Variants in ITGBL1 observed in about 807,000 individuals in gnomAD.
The protein encoded by ITGBL1 is integrin subunit beta like 1, also known as integrin beta-like protein 1.
ITGBL1 carries 51 observed loss-of-function variants against 68.5 expected under a neutral mutation model. The observed-to-expected ratio is 0.74, with a 90% CI of 0.59 to 0.94. The LOEUF (loss-of-function observed/expected upper bound fraction) is 0.94. ITGBL1 is among the 40% of genes least tolerant of loss of function. The probability of loss-of-function intolerance (pLI) is 0.00; values close to 1 mark genes in which losing one functional copy is unlikely to be tolerated. For missense variants in ITGBL1, 649 were observed against 647.4 expected (o/e 1.00, Z -0.03); for synonymous variants, 209 against 227.3 (o/e 0.92, Z 0.72).
chr13:101,635,560 T>C (rs1257083143), intron 7 of ITGBL1, among the ~76,000 whole-genome samples: 3 of 152,052 alleles, frequency 2.0e-5, no homozygotes, highest in Non-Finnish European at 2.9e-5. Context: ...TCAAGAAATA[T>C]ATGAAATGTG....
chr13:101,583,426 A>AG, intron 6 of ITGBL1, 70 bp downstream of exon 6: 1 of 1,315,328 alleles, frequency 7.6e-7, no homozygotes, highest in East Asian at 2.5e-5. Flanking sequence ...AAAAAAAAAA[A>AG]AAAGCAATTA....
At chr13:101,526,813 A>AT (rs1183281795) in intron 2 of ITGBL1, among the ~76,000 whole-genome samples, 2 of 151,778 alleles carry the variant, frequency 1.3e-5, no homozygotes, top group African/African-American at 2.4e-5. Flanking sequence ...TCTGCTTATA[A>AT]TTTTTTCTGA....
intron 7 of ITGBL1, among the ~76,000 whole-genome samples, chr13:101,656,895 G>T (rs1355220601): frequency 5.3e-5 from 8 of 150,406 alleles, no homozygotes. Context: ...AGCTCAAATA[G>T]TGTTGTTTTG....
chr13:101,586,876 C>T (rs946223007), intron 6 of ITGBL1, among the ~76,000 whole-genome samples: 20 of 152,118 alleles, frequency 1.3e-4, no homozygotes, highest in Admixed American at 9.8e-4. Flanking sequence ...TTAAATTTTT[C>T]CTAATTAACA....
At chr13:101,606,689 C>G (rs902112597) in intron 7 of ITGBL1, among the ~76,000 whole-genome samples, 4 of 151,982 alleles carry the variant, frequency 2.6e-5, no homozygotes, top group Admixed American at 2.6e-4. Context: ...TTGTCTCAGG[C>G]AGGAGGATTT....
At chr13:101,695,226 C>G (rs2033975244) in intron 8 of ITGBL1, among the ~76,000 whole-genome samples, 1 of 152,202 alleles carries the variant, frequency 6.6e-6, no homozygotes, top group Non-Finnish European at 1.5e-5. Context: ...CTACACCTCA[C>G]AACAATACTT....
chr13:101,697,769 C>T (rs969609477), intron 8 of ITGBL1, among the ~76,000 whole-genome samples: 2 of 152,128 alleles, frequency 1.3e-5, no homozygotes, highest in Non-Finnish European at 2.9e-5. Context: ...CGGAAATGTG[C>T]CTGGTACTAT....
At chr13:101,683,231 TG>T (rs1312316336) in intron 7 of ITGBL1, among the ~76,000 whole-genome samples, 2 of 152,074 alleles carry the variant, frequency 1.3e-5, no homozygotes, top group African/African-American at 4.8e-5. Flanking sequence ...CTCATGTTCA[TG>T]TAATCACCTC....
At chr13:101,630,209 A>T (rs1180706552) in intron 7 of ITGBL1, among the ~76,000 whole-genome samples, 1 of 152,156 alleles carries the variant, frequency 6.6e-6, no homozygotes, top group Non-Finnish European at 1.5e-5. Flanking sequence ...AATACCTAAG[A>T]TTACTTTTTC....
chr13:101,490,930 A>G (rs145588194), intron 2 of ITGBL1, among the ~76,000 whole-genome samples: 70 of 152,332 alleles, frequency 4.6e-4, no homozygotes, highest in African/African-American at 1.6e-3. Flanking sequence ...GACATTTAGT[A>G]AAGAACCTCT....
chr13:101,625,724 T>C (rs1041017295), intron 7 of ITGBL1, among the ~76,000 whole-genome samples: 1 of 152,104 alleles, frequency 6.6e-6, no homozygotes, highest in South Asian at 2.1e-4. Flanking sequence ...AGCTAATTTT[T>C]TGTATTTTTA....
intron 7 of ITGBL1, among the ~76,000 whole-genome samples, chr13:101,613,520 A>G (rs2031226730): frequency 6.6e-6 from 1 of 152,168 alleles, no homozygotes; most frequent in Admixed American, 6.6e-5. Flanking sequence ...GGCTGCTGTA[A>G]GTACGGAGGG....
chr13:101,583,762 A>G (rs942084276), intron 6 of ITGBL1, among the ~76,000 whole-genome samples: 1 of 152,238 alleles, frequency 6.6e-6, no homozygotes, highest in African/African-American at 2.4e-5. Context: ...AAAGAAACTG[A>G]ATGTGTATTC....
intron 2 of ITGBL1, among the ~76,000 whole-genome samples, chr13:101,471,566 GTGTA>G (rs1183198707): frequency 3.0e-4 from 43 of 141,722 alleles, no homozygotes; most frequent in South Asian, 2.4e-3. Flanking sequence ...GTGTGTGTGT[GTGTA>G]TATATATTTC....
At chr13:101,701,862 T>C (rs558928596) in intron 8 of ITGBL1, among the ~76,000 whole-genome samples, 2 of 152,156 alleles carry the variant, frequency 1.3e-5, no homozygotes, top group Non-Finnish European at 2.9e-5. Context: ...CTTACTGTTT[T>C]ATGGGTGCTT....
chr13:101,590,233 T>A (rs1342320545), intron 6 of ITGBL1, among the ~76,000 whole-genome samples: 2 of 152,200 alleles, frequency 1.3e-5, no homozygotes, highest in Non-Finnish European at 1.5e-5. Context: ...TTTGTTTTAT[T>A]CTGCCACATG....
At chr13:101,492,781 T>G (rs1355440506) in intron 2 of ITGBL1, among the ~76,000 whole-genome samples, 7 of 152,178 alleles carry the variant, frequency 4.6e-5, no homozygotes, top group Admixed American at 3.3e-4. Context: ...AGACAATCCT[T>G]TCTCTTGGCT....
intron 3 of ITGBL1, among the ~76,000 whole-genome samples, chr13:101,569,888 T>A (rs2139257358): frequency 1.3e-5 from 2 of 152,250 alleles, no homozygotes; most frequent in South Asian, 4.1e-4. Flanking sequence ...ACTGTGTTAT[T>A]TCTGACTTAC....
chr13:101,550,955 T>G (rs1280853757), intron 2 of ITGBL1, among the ~76,000 whole-genome samples: 5 of 152,216 alleles, frequency 3.3e-5, no homozygotes, highest in African/African-American at 1.2e-4. Flanking sequence ...ATGTGAAGAA[T>G]ATCTTTAGGT....
Sources: gnomAD v4.1 joint callset for allele counts (sites outside exome capture counted in the v4.1 genomes callset) on GRCh38, gnomAD v4.1.1 for gene constraint, MANE v1.5 for transcripts, NCBI Gene and HGNC (gene_info 2026-07-23, HGNC 2026-07-21) for gene names.